Variants in RGS20 observed in about 807,000 individuals in gnomAD.
The protein encoded by RGS20 is regulator of G protein signaling 20.
In RGS20, 30 loss-of-function variants were observed where a neutral mutation model predicts 33.6. That is an observed-to-expected ratio of 0.89 (90% CI 0.67 to 1.21). RGS20 has a LOEUF of 1.21. Ranked by LOEUF, RGS20 falls within the 50% of genes most tolerant of loss-of-function variation. The pLI is 0.00. For missense variants in RGS20, 472 were observed against 502.4 expected, an observed-to-expected ratio of 0.94 and a Z score of 0.58; for synonymous variants, 208 against 197.9, an observed-to-expected ratio of 1.05 and a Z score of -0.43.
chr8:53,902,134 A>G (rs1180959421), intron 2 of RGS20, among the ~76,000 whole-genome samples: 1 of 151,684 alleles, frequency 6.6e-6, no homozygotes, highest in African/African-American at 2.4e-5. Flanking sequence ...TCTCCCACCT[A>G]AGCCTCCTGA....
At chr8:53,953,603 TTC>T (rs1160826846) in intron 4 of RGS20, among the ~76,000 whole-genome samples, 5 of 152,190 alleles carry the variant, frequency 3.3e-5, no homozygotes, top group Admixed American at 6.6e-5. Context: ...ACTACATATA[TTC>T]TCTTTCTCAA....
In RGS20 at chr8:53,939,620, C is replaced by G; in HGVS notation, c.555C>G (p.Pro185=). Reference sequence around the variant, plus strand: ...TGGAGATGCGGAAGCGGCAGATGCCCGCCGCCCAGGACACACCAGGCGCCG... The same window carrying G: ...TGGAGATGCGGAAGCGGCAGATGCCGGCCGCCCAGGACACACCAGGCGCCG... The change falls in exon 3 of 6, where the codon CCC becomes CCG. Residue 185 remains proline, a synonymous_variant. Coordinates refer to ENST00000297313, the MANE Select transcript of RGS20 (RefSeq NM_170587.4). The G allele has an allele frequency of 6.2e-7, 1 of 1,604,308 alleles. No individual in the cohort carries two copies. The highest frequency in any genetic ancestry group is 8.5e-7 in the Non-Finnish European group (1 of 1,176,142).
intron 2 of RGS20, among the ~76,000 whole-genome samples, chr8:53,934,429 A>G (rs983966151): frequency 2.0e-5 from 3 of 152,232 alleles, no homozygotes; most frequent in Non-Finnish European, 4.4e-5. Context: ...AAGCAAATGG[A>G]AAGCAAAAAG....
At chr8:53,906,119 CA>C (rs1035827645) in intron 2 of RGS20, among the ~76,000 whole-genome samples, 2 of 152,078 alleles carry the variant, frequency 1.3e-5, no homozygotes, top group Admixed American at 1.3e-4. Context: ...GAGGATCCTA[CA>C]AAAAACTCAC....
chr8:53,936,206 T>C (rs1814127090), intron 2 of RGS20, among the ~76,000 whole-genome samples: 1 of 152,166 alleles, frequency 6.6e-6, no homozygotes, highest in Non-Finnish European at 1.5e-5. Flanking sequence ...GAATGCCGTC[T>C]CTTACCACTC....
At chr8:53,947,392 C>T (rs1490943114) in intron 4 of RGS20, among the ~76,000 whole-genome samples, 1 of 120,914 alleles carries the variant, frequency 8.3e-6, no homozygotes, top group East Asian at 3.0e-4. Flanking sequence ...TTTATATATG[C>T]TATATATAAG....
intron 2 of RGS20, among the ~76,000 whole-genome samples, chr8:53,899,877 G>A (rs572037050): frequency 6.6e-6 from 1 of 152,248 alleles, no homozygotes; most frequent in East Asian, 1.9e-4. Flanking sequence ...GATCCAGCTA[G>A]ACCCCTCACC....
At chr8:53,857,537 G>A (rs1476398123) in intron 1 of RGS20, among the ~76,000 whole-genome samples, 4 of 152,156 alleles carry the variant, frequency 2.6e-5, no homozygotes, top group South Asian at 4.1e-4. Context: ...TTGGTCAAAG[G>A]GCACAAAGTA....
chr8:53,879,011 T>C (rs901041779), intron 1 of RGS20, among the ~76,000 whole-genome samples: 1 of 152,064 alleles, frequency 6.6e-6, no homozygotes, highest in Non-Finnish European at 1.5e-5. Context: ...AGAGTCTTTA[T>C]TTCTAACAAG....
At chr8:53,942,648 C>G (rs557463753) in intron 3 of RGS20, among the ~76,000 whole-genome samples, 3 of 151,972 alleles carry the variant, frequency 2.0e-5, no homozygotes, top group South Asian at 4.2e-4. Context: ...GTTATACAAT[C>G]CACTACCATA....
At chr8:53,927,593 C>G (rs1457661857) in intron 2 of RGS20, among the ~76,000 whole-genome samples, 1 of 152,066 alleles carries the variant, frequency 6.6e-6, no homozygotes, top group East Asian at 1.9e-4. Flanking sequence ...GCCCTAGGAC[C>G]ATCAGGTGAA....
chr8:53,942,144 A>T (rs999065892), intron 3 of RGS20, among the ~76,000 whole-genome samples: 2 of 152,136 alleles, frequency 1.3e-5, no homozygotes, highest in African/African-American at 4.8e-5. Context: ...ATGGGGGCAC[A>T]TGCCCATAAT....
intron 2 of RGS20, among the ~76,000 whole-genome samples, chr8:53,907,667 G>A (rs1396158223): frequency 6.6e-6 from 1 of 152,052 alleles, no homozygotes; most frequent in Non-Finnish European, 1.5e-5. Flanking sequence ...GAGTGGCGGG[G>A]CAGGTAATGA....
intron 2 of RGS20, among the ~76,000 whole-genome samples, chr8:53,920,814 A>C (rs1226080441): frequency 6.6e-6 from 1 of 152,106 alleles, no homozygotes; most frequent in Non-Finnish European, 1.5e-5. Context: ...GCTGGAGTGC[A>C]GTGGTGCAAT....
At chr8:53,944,882 A>G (rs1814425814) in intron 3 of RGS20, among the ~76,000 whole-genome samples, 1 of 152,254 alleles carries the variant, frequency 6.6e-6, no homozygotes. Flanking sequence ...ATCAGTAGTC[A>G]TTAGCAAGAT....
intron 2 of RGS20, among the ~76,000 whole-genome samples, chr8:53,918,373 A>G (rs903122399): frequency 6.2e-5 from 9 of 146,228 alleles, no homozygotes; most frequent in African/African-American, 2.5e-4. Context: ...TTCACTTCAC[A>G]TATTTTCTTT....
chr8:53,894,887 A>G (rs539375444), intron 2 of RGS20, among the ~76,000 whole-genome samples: 4 of 152,320 alleles, frequency 2.6e-5, no homozygotes, highest in African/African-American at 9.6e-5. Context: ...GATTTTTTCT[A>G]GTGTCAGGAT....
intron 3 of RGS20, among the ~76,000 whole-genome samples, chr8:53,941,493 C>T (rs988129937): frequency 6.6e-6 from 1 of 152,050 alleles, no homozygotes; most frequent in Non-Finnish European, 1.5e-5. Flanking sequence ...ATAGATACAA[C>T]GGGGTCAAAT....
chr8:53,918,215 C>T (rs769219719), intron 2 of RGS20, among the ~76,000 whole-genome samples: 1 of 152,002 alleles, frequency 6.6e-6, no homozygotes, highest in African/African-American at 2.4e-5. Flanking sequence ...AAAAGAAATC[C>T]CACACCCACT....
Sources: gnomAD v4.1 joint callset for allele counts (sites outside exome capture counted in the v4.1 genomes callset) on GRCh38, gnomAD v4.1.1 for gene constraint, MANE v1.5 for transcripts, NCBI Gene and HGNC (gene_info 2026-07-23, HGNC 2026-07-21) for gene names.